CLEC16A: variants seen among roughly 807,000 people sequenced by gnomAD.
The protein encoded by CLEC16A is C-type lectin domain containing 16A, also known as protein CLEC16A.
In CLEC16A, 51 loss-of-function variants were observed where a neutral mutation model predicts 109.5. The observed-to-expected ratio is 0.47, with a 90% CI of 0.37 to 0.59. The LOEUF is 0.59. Among genes scored for constraint, CLEC16A ranks in the 20% least tolerant of loss-of-function variants. CLEC16A has a pLI of 0.00. For synonymous variants in CLEC16A, 673 were observed against 564.2 expected (o/e 1.19, Z -2.73); for missense variants, 1,339 against 1,394.0 (o/e 0.96, Z 0.63).
At chr16:11,084,937 G>A (rs529192956) in intron 19 of CLEC16A, among the ~76,000 whole-genome samples, 18 of 152,350 alleles carry the variant, frequency 1.2e-4, no homozygotes, top group East Asian at 1.9e-4. Context: ...AAGGCTGCAC[G>A]CAGGCTGGAA....
At chr16:11,138,359 G>A (rs1199182944) in intron 22 of CLEC16A, among the ~76,000 whole-genome samples, 1 of 152,190 alleles carries the variant, frequency 6.6e-6, no homozygotes. Context: ...AGCTCAGCAG[G>A]GCCCGATAGC....
At chr16:11,127,263 G>A (rs192215814) in intron 22 of CLEC16A, among the ~76,000 whole-genome samples, 391 of 152,226 alleles carry the variant, frequency 2.6e-3, no homozygotes, top group Non-Finnish European at 3.4e-3. Flanking sequence ...ACATTAACAC[G>A]TATAAATCAA....
chr16:11,018,137 A>C (rs1008518860), intron 11 of CLEC16A, among the ~76,000 whole-genome samples: 1 of 151,436 alleles, frequency 6.6e-6, no homozygotes, highest in Admixed American at 6.6e-5. Context: ...GTGAGACCCC[A>C]TCTCTACAAA....
rs188615286 is a variant in CLEC16A at position 11,069,971 on chromosome 16, A to T, written c.2116+8949A>T. ...CATCTGTGGATTCTGGTGTCCTCTG[A>T]GGGGTTCTGGAACCAGTCCCCATGG... is the stretch of plus-strand genomic sequence containing the variant. On this transcript the variant is annotated intron_variant, in intron 19 of 23. Transcript: ENST00000409790. Among the ~76,000 whole-genome samples the T allele has an allele frequency of 2.6e-5, 4 of 152,198 alleles. No homozygotes were observed. In the East Asian group the frequency reaches 7.7e-4, roughly 29 times the overall value.
chr16:10,946,719 C>T (rs1330719997), intron 1 of CLEC16A, among the ~76,000 whole-genome samples: 4 of 152,132 alleles, frequency 2.6e-5, no homozygotes, highest in African/African-American at 4.8e-5. Context: ...ATTAATTTAT[C>T]GAATGCATTA....
In CLEC16A at chr16:10,982,977, A is replaced by G. The variant is rs2043412665; in HGVS notation, c.1057A>G (p.Ile353Val). 2.5e-6 allele frequency: 4 copies of G among 1,601,130 alleles called. No homozygotes were observed. The highest frequency in any genetic ancestry group is 1.7e-5 in the Admixed American group (1 of 59,980). ...SEMYAKTEQD[I>V]QRSSAKPSIR... is the part of the protein sequence containing the mutation. ...GATGTACGCTAAGACTGAACAGGAT[A>G]TTCAGAGAAGTTCTGTAAGTCATTA... The change falls in exon 10 of 24, where the codon ATT (isoleucine) becomes GTT (valine). Residue 353 changes from isoleucine to valine, a missense_variant. By Grantham distance (29) the Ile-to-Val change is conservative. This residue lies in a region of CLEC16A where 1,061 missense variants were observed against 1,006.8 expected (regional missense o/e 1.05). Transcript: ENST00000409790.
At chr16:10,945,663 T>C (rs1057475925) in intron 1 of CLEC16A, among the ~76,000 whole-genome samples, 3 of 152,122 alleles carry the variant, frequency 2.0e-5, no homozygotes, top group Admixed American at 2.0e-4. Context: ...AACATTGTAA[T>C]GGAAATGGAA....
chr16:10,958,443 C>G (rs2042095349), intron 2 of CLEC16A, among the ~76,000 whole-genome samples: 1 of 152,182 alleles, frequency 6.6e-6, no homozygotes, highest in Admixed American at 6.5e-5. Context: ...AGGGGTCCCG[C>G]AACTCACCAC....
intron 22 of CLEC16A, among the ~76,000 whole-genome samples, chr16:11,164,600 G>A (rs1323143074): frequency 6.6e-6 from 1 of 152,322 alleles, no homozygotes; most frequent in East Asian, 1.9e-4. Context: ...CACCAGATGG[G>A]CACACTGCTT....
intron 22 of CLEC16A, among the ~76,000 whole-genome samples, chr16:11,165,479 G>GA (rs1387196949): frequency 6.6e-6 from 1 of 152,110 alleles, no homozygotes; most frequent in Non-Finnish European, 1.5e-5. Flanking sequence ...GCAACAGAGT[G>GA]AAACCCTATC....
intron 15 of CLEC16A, 146 bp downstream of exon 15, chr16:11,042,509 C>T: frequency 3.5e-6 from 2 of 576,380 alleles, no homozygotes; most frequent in Admixed American, 3.2e-5. Flanking sequence ...TCTCTTGAGA[C>T]CCCACTCCAA....
chr16:11,015,499 C>A (rs1052679689), intron 11 of CLEC16A, among the ~76,000 whole-genome samples: 3 of 152,152 alleles, frequency 2.0e-5, no homozygotes, highest in East Asian at 3.8e-4. Context: ...CAGAAAGGGG[C>A]CTCATGGAGT....
chr16:11,011,875 C>G (rs1022600371), intron 11 of CLEC16A, among the ~76,000 whole-genome samples: 4 of 151,482 alleles, frequency 2.6e-5, no homozygotes, highest in African/African-American at 4.9e-5. Flanking sequence ...TATGTTTCTT[C>G]TTGTACACTG....
intron 22 of CLEC16A, chr16:11,157,209 A>G (rs2054566538): frequency 8.1e-7 from 1 of 1,240,544 alleles, no homozygotes. Context: ...ATCAGAAATA[A>G]AAAGTATTTA....
At position 10,972,574 on chromosome 16, in the gene CLEC16A, T is replaced by G. The variant is rs1394311592; in HGVS notation, c.604+15T>G. ...TCCAGTGTCATGTAAGTTATTAACC[T>G]CTGGTTTTCTGCTTTCTTAATCTAC... On this transcript the variant is annotated intron_variant, in intron 6 of 23. Transcript: ENST00000409790. The G allele has an allele frequency of 1.9e-6, 3 of 1,608,832 alleles. No homozygotes were observed. In the Admixed American group the frequency reaches 5.0e-5, roughly 27 times the overall value.
chr16:11,054,864 G>A (rs1254084815), intron 18 of CLEC16A, among the ~76,000 whole-genome samples: 5 of 151,346 alleles, frequency 3.3e-5, no homozygotes, highest in East Asian at 1.9e-4. Flanking sequence ...TATGTGGTTC[G>A]TTTCAAGTTT....
intron 19 of CLEC16A, among the ~76,000 whole-genome samples, chr16:11,063,624 G>T (rs2048608827): frequency 6.6e-6 from 1 of 152,096 alleles, no homozygotes; most frequent in South Asian, 2.1e-4. Context: ...TCACACTTCA[G>T]TAAGAAACAA....
chr16:11,106,902 G>A (rs574783775), intron 19 of CLEC16A, among the ~76,000 whole-genome samples: 1 of 152,254 alleles, frequency 6.6e-6, no homozygotes, highest in African/African-American at 2.4e-5. Flanking sequence ...CAGGCACTTG[G>A]CCCAGGCCCG....
At chr16:11,013,801 TG>T (rs891371186) in intron 11 of CLEC16A, among the ~76,000 whole-genome samples, 2 of 151,832 alleles carry the variant, frequency 1.3e-5, no homozygotes, top group Admixed American at 1.3e-4. Context: ...GAGCCGGGCA[TG>T]GTGGCGTACA....
Sources: gnomAD v4.1 joint callset for allele counts (sites outside exome capture counted in the v4.1 genomes callset) on GRCh38, gnomAD v4.1.1 for gene constraint, gnomAD v4.1.1 regional missense constraint, MANE v1.5 for transcripts, NCBI Gene and HGNC (gene_info 2026-07-23, HGNC 2026-07-21) for gene names.